PDE3A: variants seen among roughly 807,000 people sequenced by gnomAD.
PDE3A encodes phosphodiesterase 3A.
Under a neutral mutation model 98.3 loss-of-function variants are expected in PDE3A, and 43 were observed. The observed-to-expected ratio is 0.44, with a 90% CI of 0.34 to 0.56. The LOEUF (loss-of-function observed/expected upper bound fraction) is 0.56. PDE3A is among the 20% of genes least tolerant of loss of function. The pLI, the probability that PDE3A is intolerant of heterozygous loss-of-function variation, is 0.01. For synonymous variants in PDE3A, 663 were observed against 567.9 expected (o/e 1.17, Z -2.38); for missense variants, 1,427 against 1,440.7 (o/e 0.99, Z 0.15).
chr12:20,554,873 A>G (rs892876122), intron 1 of PDE3A, among the ~76,000 whole-genome samples: 5 of 152,186 alleles, frequency 3.3e-5, no homozygotes, highest in Admixed American at 2.6e-4. Flanking sequence ...TTTCTTGCTT[A>G]TATTTTGTTA....
chr12:20,380,568 G>A (rs1943646118), intron 1 of PDE3A, among the ~76,000 whole-genome samples: 1 of 151,822 alleles, frequency 6.6e-6, no homozygotes, highest in African/African-American at 2.4e-5. Flanking sequence ...ACTGAAATCA[G>A]AGACATATCT....
intron 15 of PDE3A, among the ~76,000 whole-genome samples, chr12:20,659,233 G>A (rs1945106118): frequency 6.6e-6 from 1 of 151,888 alleles, no homozygotes; most frequent in Non-Finnish European, 1.5e-5. Context: ...TTGTCATTCT[G>A]TGTCTATATG....
chr12:20,633,701 G>T lies in PDE3A; in HGVS notation c.1769G>T (p.Arg590Ile). The change falls in exon 7 of 16, where the codon AGA becomes ATA. Residue 590 changes from arginine to isoleucine, a missense_variant. By Grantham distance (97) the Arg-to-Ile change is moderately conservative. Coordinates refer to ENST00000359062, the MANE Select transcript of PDE3A (RefSeq NM_000921.5). ...TPPVICSSCG[R>I]PYSQGNPADE... ...CTTCCAATATTTTTTAGCTGTGGCAGACCATATTCCCAAGGGAATCCTGCT... is the reference window on the plus strand; with the variant it reads ...CTTCCAATATTTTTTAGCTGTGGCATACCATATTCCCAAGGGAATCCTGCT... The T allele has an allele frequency of 6.2e-7, 1 of 1,607,174 alleles. No individual in the cohort carries two copies. Among genetic ancestry groups the T allele is most frequent in the Non-Finnish European group, 8.5e-7 (1 of 1,176,172 alleles).
chr12:20,505,775 A>ACTCATTAAAAACACT (rs1946105790), intron 1 of PDE3A, among the ~76,000 whole-genome samples: 3 of 152,232 alleles, frequency 2.0e-5, no homozygotes, highest in African/African-American at 7.2e-5. Context: ...TTAATGAGGA[A>ACTCATTAAAAACACT]GTCTTCAGGA....
rs562973874 is a variant in PDE3A at position 20,474,475 on chromosome 12, G to A, written c.961-82185G>A. On this transcript the variant is annotated intron_variant, in intron 1 of 15. Transcript: ENST00000359062. ...TCTCTGGCATCTATAACAAATTACC[G>A]CAAACTCAGTGGCTTAAAACAACAC... Among the ~76,000 whole-genome samples the A allele has an allele frequency of 2.4e-4, 37 of 152,154 alleles. 1 individual carries two copies. Among genetic ancestry groups the A allele is most frequent in the Admixed American group, 9.8e-4 (15 of 15,288 alleles).
At chr12:20,532,737 G>A (rs1291828802) in intron 1 of PDE3A, among the ~76,000 whole-genome samples, 13 of 146,384 alleles carry the variant, frequency 8.9e-5, no homozygotes, top group Non-Finnish European at 8.9e-5. Flanking sequence ...CACCCAGGCT[G>A]GAGTGCAGTG....
rs375762613 is a variant in PDE3A, at chr12:20,369,421, G to T, written c.137G>T (p.Cys46Phe). 1.3e-6 allele frequency: 2 copies of T among 1,555,214 alleles called. No homozygotes were observed. The highest frequency in any genetic ancestry group is 1.7e-6 in the Non-Finnish European group (2 of 1,150,424). The stretch of plus-strand genomic sequence containing the variant: ...CCGCGGGACTCGGGCTGCCGTGGCT[G>T]CTGGGGAGACCTGGTGCTGCAGCCG... Reference protein sequence around the residue: ...ASPRDSGCRGCWGDLVLQPLR... With the variant: ...ASPRDSGCRGFWGDLVLQPLR... The change falls in exon 1 of 16, where the codon TGC (cysteine) becomes TTC (phenylalanine). Residue 46 changes from cysteine (C) to phenylalanine (F), a missense_variant. By Grantham distance (205) the Cys-to-Phe change is radical. Around this residue, in one of 3 missense-constraint regions of PDE3A, gnomAD observed 1,012 missense variants for 886.5 expected, o/e 1.14. Transcript: ENST00000359062.
chr12:20,511,857 G>T (rs2121118755), intron 1 of PDE3A, among the ~76,000 whole-genome samples: 1 of 152,112 alleles, frequency 6.6e-6, no homozygotes, highest in African/African-American at 2.4e-5. Flanking sequence ...CACAATAAGT[G>T]GTGTTGATAG....
chr12:20,471,001 C>T (rs1945429632), intron 1 of PDE3A, among the ~76,000 whole-genome samples: 1 of 152,046 alleles, frequency 6.6e-6, no homozygotes, highest in Admixed American at 6.6e-5. Flanking sequence ...AAGGAGCAAG[C>T]CGTCATTAGA....
chr12:20,412,756 C>T (rs1056804710), intron 1 of PDE3A, among the ~76,000 whole-genome samples: 1 of 152,126 alleles, frequency 6.6e-6, no homozygotes, highest in African/African-American at 2.4e-5. Context: ...ACCTTAAACT[C>T]AAGGTAGTCG....
At chr12:20,371,511 T>C in intron 1 of PDE3A, 2 of 951,828 alleles carry the variant, frequency 2.1e-6, no homozygotes, top group Non-Finnish European at 2.5e-6. Flanking sequence ...CTGTGGATAA[T>C]CATTTGGGTA....
chr12:20,379,480 G>A (rs543666069), intron 1 of PDE3A, among the ~76,000 whole-genome samples: 1 of 151,868 alleles, frequency 6.6e-6, no homozygotes, highest in East Asian at 1.9e-4. Context: ...AACTAAGGAA[G>A]TCAGATTCAG....
chr12:20,648,671 C>T lies in PDE3A; in HGVS notation c.2566-17C>T, dbSNP rs780396492. ...TTTTCTTAAAAAGTTGAACTCTTAA[C>T]TGTCTTATTTGCCTAGGCGGTGCTA... On this transcript the variant is annotated splice_polypyrimidine_tract_variant and intron_variant, in intron 12 of 15. Coordinates refer to ENST00000359062, the MANE Select transcript of PDE3A (RefSeq NM_000921.5). 6 of 1,519,624 alleles carry T rather than the reference C, an allele frequency of 3.9e-6. No individual in the cohort carries two copies. In the Admixed American group the frequency reaches 5.0e-5, roughly 13 times the overall value. 94.1% of individuals were successfully genotyped at this position (1,519,624 alleles called of 1,614,324 possible).
chr12:20,453,288 C>G (rs1945099101), intron 1 of PDE3A, among the ~76,000 whole-genome samples: 1 of 151,008 alleles, frequency 6.6e-6, no homozygotes, highest in Non-Finnish European at 1.5e-5. Context: ...GTTCTCTTGC[C>G]TCAGCCTCCC....
At chr12:20,445,804 G>C (rs937570135) in intron 1 of PDE3A, among the ~76,000 whole-genome samples, 23 of 152,064 alleles carry the variant, frequency 1.5e-4, no homozygotes, top group African/African-American at 2.4e-5. Flanking sequence ...CTTCCTGGAG[G>C]TATAAATAGA....
intron 1 of PDE3A, among the ~76,000 whole-genome samples, chr12:20,444,648 A>G (rs1944924552): frequency 6.6e-6 from 1 of 152,068 alleles, no homozygotes; most frequent in South Asian, 2.1e-4. Flanking sequence ...GAAATTAAAG[A>G]AATAAAAGTG....
intron 1 of PDE3A, among the ~76,000 whole-genome samples, chr12:20,495,633 T>C (rs776497420): frequency 6.6e-6 from 1 of 152,210 alleles, no homozygotes; most frequent in Non-Finnish European, 1.5e-5. Context: ...TTTTGTTGTT[T>C]TCGACTTTTC....
Position 20,380,945 on chromosome 12 carries a change from A to C in PDE3A, c.960+10701A>C, listed in dbSNP as rs561657489. On this transcript the variant is annotated intron_variant, in intron 1 of 15. Transcript: ENST00000359062. ...ACTTTGTTTGCATTTTGAGACAAGGAGCTAACTGTGTGTATCATCTTGAGT... is the reference window on the plus strand; with the variant it reads ...ACTTTGTTTGCATTTTGAGACAAGGCGCTAACTGTGTGTATCATCTTGAGT... 3.9e-5 allele frequency among the ~76,000 whole-genome samples: 6 copies of C among 152,002 alleles called. No homozygotes were observed. In the South Asian group the frequency reaches 1.2e-3, roughly 32 times the overall value.
chr12:20,413,609 T>C (rs1018150566), intron 1 of PDE3A, among the ~76,000 whole-genome samples: 3 of 151,950 alleles, frequency 2.0e-5, no homozygotes, highest in Non-Finnish European at 4.4e-5. Flanking sequence ...TGCTGGGAAA[T>C]TGTGGGAGCT....
Sources: gnomAD v4.1 joint callset for allele counts (sites outside exome capture counted in the v4.1 genomes callset) on GRCh38, gnomAD v4.1.1 for gene constraint, gnomAD v4.1.1 regional missense constraint, MANE v1.5 for transcripts, NCBI Gene and HGNC (gene_info 2026-07-23, HGNC 2026-07-21) for gene names.